PARD3B: variants seen among roughly 807,000 people sequenced by gnomAD.
PARD3B encodes partitioning defective 3 homolog B.
Under a neutral mutation model 130.2 loss-of-function variants are expected in PARD3B, and 103 were observed. The ratio of observed to expected loss-of-function variants is 0.79; its 90% CI spans 0.67 to 0.93. The LOEUF is 0.93. PARD3B is among the 40% of genes least tolerant of loss of function. The pLI, the probability that PARD3B is intolerant of heterozygous loss-of-function variation, is 0.00. For missense variants in PARD3B, 1,609 were observed against 1,499.2 expected (o/e 1.07, Z -1.21); for synonymous variants, 583 against 553.2 (o/e 1.05, Z -0.76).
intron 3 of PARD3B, among the ~76,000 whole-genome samples, chr2:204,982,348 T>A (rs1251376247): frequency 6.6e-6 from 1 of 152,204 alleles, no homozygotes; most frequent in Admixed American, 6.5e-5. Context: ...CTACTCACCC[T>A]GTTTTCTCCA....
chr2:205,034,567 G>A (rs1317930255), intron 3 of PARD3B, among the ~76,000 whole-genome samples: 2 of 151,952 alleles, frequency 1.3e-5, no homozygotes, highest in Non-Finnish European at 2.9e-5. Flanking sequence ...ACATACACAA[G>A]ACAAATAGGG....
chr2:205,326,797 A>G (rs77266733), intron 18 of PARD3B, among the ~76,000 whole-genome samples: 4,637 of 152,252 alleles, frequency 0.03, 203 homozygotes, highest in African/African-American at 0.1. Flanking sequence ...AGTTTGGAAA[A>G]GGGCTCTTCA....
At chr2:204,852,740 C>A (rs191790032) in intron 2 of PARD3B, among the ~76,000 whole-genome samples, 15 of 152,232 alleles carry the variant, frequency 9.9e-5, no homozygotes, top group Admixed American at 9.2e-4. Flanking sequence ...CTAATTATTC[C>A]ATTTTAAGTG....
Position 205,265,363 on chromosome 2 carries a change from A to G in PARD3B, c.2185+19541A>G, listed in dbSNP as rs1047939471. ...CATCAGTCTCTAAATGTTAGTAATC[A>G]TTTGGTTTATTTACTTTTGAAATTA... is the stretch of plus-strand genomic sequence containing the variant. On this transcript the variant is annotated intron_variant, in intron 16 of 22. Coordinates refer to ENST00000406610, the MANE Select transcript of PARD3B (RefSeq NM_001302769.2). This position sits in a 1 kb window ranked among gnomAD's most constrained non-coding sequence, Gnocchi z 4.3. Among the ~76,000 whole-genome samples, 1 of 151,998 alleles carries G rather than the reference A, an allele frequency of 6.6e-6. No homozygotes were observed. The highest frequency in any genetic ancestry group is 1.5e-5 in the Non-Finnish European group (1 of 67,950).
intron 19 of PARD3B, among the ~76,000 whole-genome samples, chr2:205,402,781 C>T (rs2046296339): frequency 6.6e-6 from 1 of 152,178 alleles, no homozygotes; most frequent in Non-Finnish European, 1.5e-5. Context: ...TATTAGCCTC[C>T]ACTTAGGCCA....
chr2:204,696,620 A>C (rs2037624051), intron 2 of PARD3B, among the ~76,000 whole-genome samples: 1 of 152,132 alleles, frequency 6.6e-6, no homozygotes, highest in African/African-American at 2.4e-5. Flanking sequence ...TTAGTAAATA[A>C]GAATATTCAG....
intron 2 of PARD3B, among the ~76,000 whole-genome samples, chr2:204,756,671 C>T (rs193191462): frequency 9.2e-4 from 140 of 152,244 alleles, no homozygotes; most frequent in Non-Finnish European, 1.4e-3. Context: ...GCACGCCAGA[C>T]TTGCCGTCAT....
intron 1 of PARD3B, among the ~76,000 whole-genome samples, chr2:204,676,246 A>G (rs1341900097): frequency 6.6e-6 from 1 of 151,944 alleles, no homozygotes. Context: ...TACCAAGAGT[A>G]TTTCTTTTAC....
At chr2:205,444,070 C>T (rs2047820317) in intron 20 of PARD3B, among the ~76,000 whole-genome samples, 1 of 152,182 alleles carries the variant, frequency 6.6e-6, no homozygotes, top group Non-Finnish European at 1.5e-5. Context: ...GCAACCTCTG[C>T]CTTCTGGGTT....
At chr2:205,415,385 G>A (rs2106069661) in intron 19 of PARD3B, among the ~76,000 whole-genome samples, 1 of 152,230 alleles carries the variant, frequency 6.6e-6, no homozygotes, top group East Asian at 1.9e-4. Flanking sequence ...GGTAGTAAGT[G>A]AAACCAGAAC....
intron 2 of PARD3B, among the ~76,000 whole-genome samples, chr2:204,961,553 A>G (rs1575425974): frequency 6.6e-6 from 1 of 152,174 alleles, no homozygotes; most frequent in Admixed American, 6.5e-5. Context: ...TCTGGGTTGC[A>G]CCACTTAAAA....
intron 18 of PARD3B, among the ~76,000 whole-genome samples, chr2:205,365,001 A>T (rs1574816473): frequency 6.6e-6 from 1 of 152,018 alleles, no homozygotes; most frequent in Admixed American, 6.6e-5. Context: ...GGAGTTCAAG[A>T]CCAGCCTGGG....
At chr2:205,072,496 C>G (rs533904209) in intron 4 of PARD3B, among the ~76,000 whole-genome samples, 1 of 152,166 alleles carries the variant, frequency 6.6e-6, no homozygotes, top group Non-Finnish European at 1.5e-5. Flanking sequence ...GGTGATCTAC[C>G]CACCGTGGCC....
chr2:204,791,365 A>G lies in PARD3B; in HGVS notation c.222+105083A>G, dbSNP rs374938403. Among the ~76,000 whole-genome samples, 6 of 152,344 alleles carry G rather than the reference A, an allele frequency of 3.9e-5. No individual in the cohort carries two copies. The East Asian group carries it at 7.7e-4, about 20-fold the overall frequency. On this transcript the variant is annotated intron_variant, in intron 2 of 22. Coordinates refer to ENST00000406610, the MANE Select transcript of PARD3B (RefSeq NM_001302769.2). Reference sequence around the variant, plus strand: ...GTTTCCTATTGATATCTTCTTAGCCATATTATATCATTCCCCTCATAGTTA... The same window carrying G: ...GTTTCCTATTGATATCTTCTTAGCCGTATTATATCATTCCCCTCATAGTTA...
intron 2 of PARD3B, among the ~76,000 whole-genome samples, chr2:204,758,602 G>C (rs749174783): frequency 6.6e-6 from 1 of 152,076 alleles, no homozygotes; most frequent in Non-Finnish European, 1.5e-5. Flanking sequence ...ATTAAATAAC[G>C]TTTCTCCAGG....
At chr2:205,145,135 GT>G (rs1449402907) in intron 10 of PARD3B, among the ~76,000 whole-genome samples, 1 of 152,130 alleles carries the variant, frequency 6.6e-6, no homozygotes, top group African/African-American at 2.4e-5. Context: ...TATTAAGAGA[GT>G]TATTGTACCC....
In PARD3B at chr2:205,617,068, G is replaced by A. The variant is rs1312193387; in HGVS notation, c.*1255G>A. On this transcript the variant is annotated 3_prime_UTR_variant, in exon 23 of 23. Coordinates refer to ENST00000406610, the MANE Select transcript of PARD3B (RefSeq NM_001302769.2). ...CATCTGCATTTGCTATATTTCATTAGCTAAAGTCAGGTCAGGGCAGGGCCA... is the reference window on the plus strand; with the variant it reads ...CATCTGCATTTGCTATATTTCATTAACTAAAGTCAGGTCAGGGCAGGGCCA... 6.5e-6 allele frequency: 1 copy of A among 154,428 alleles called. No individual in the cohort carries two copies. Among genetic ancestry groups the A allele is most frequent in the Non-Finnish European group, 1.5e-5 (1 of 68,240 alleles). The allele number at this position is 154,428 out of a possible 1,614,324, so 9.6% of individuals were successfully genotyped here.
At position 205,589,700 on chromosome 2, in the gene PARD3B, G is replaced by T. The variant is rs72937641; in HGVS notation, c.3261-25756G>T. Among the ~76,000 whole-genome samples, 32,600 of 152,122 alleles carry T rather than the reference G, an allele frequency of 0.21. 3,979 individuals carry two copies. Among genetic ancestry groups the T allele is most frequent in the Non-Finnish European group, 0.29 (19,611 of 67,980 alleles). ...CTATTGGAGAATTGCTAGAGGACTC[G>T]AGTTAGGGATGATTCACTTTCTCAG... On this transcript the variant is annotated intron_variant, in intron 22 of 22. Transcript: ENST00000406610. This position sits in a 1 kb window ranked among gnomAD's most constrained non-coding sequence, Gnocchi z 4.1.
intron 19 of PARD3B, among the ~76,000 whole-genome samples, chr2:205,412,241 T>C (rs1397080740): frequency 7.9e-5 from 12 of 152,124 alleles, no homozygotes; most frequent in Admixed American, 7.9e-4. Flanking sequence ...CTCCTGCCTT[T>C]TTCTGGTTTG....
Sources: allele counts gnomAD v4.1 joint callset (sites outside exome capture counted in the v4.1 genomes callset), GRCh38; gene constraint gnomAD v4.1.1; non-coding constraint Gnocchi (gnomAD v3.1); transcripts MANE v1.5; gene names NCBI Gene and HGNC (gene_info 2026-07-23, HGNC 2026-07-21).